Variants in COG5 observed in about 807,000 individuals in gnomAD.
COG5 encodes the protein component of oligomeric golgi complex 5.
COG5 carries 86 observed loss-of-function variants against 110.4 expected under a neutral mutation model. The ratio of observed to expected loss-of-function variants is 0.78; its 90% CI spans 0.65 to 0.93. The LOEUF (loss-of-function observed/expected upper bound fraction) is 0.93. Ranked by LOEUF, COG5 falls within the 40% of genes least tolerant of loss-of-function variation. The pLI, the probability that COG5 is intolerant of heterozygous loss-of-function variation, is 0.00. For synonymous variants in COG5, 360 were observed against 334.6 expected, an observed-to-expected ratio of 1.08 and a Z score of -0.83; for missense variants, 1,077 against 987.0, an observed-to-expected ratio of 1.09 and a Z score of -1.22.
intron 6 of COG5, among the ~76,000 whole-genome samples, chr7:107,482,194 T>G (rs1026048318): frequency 5.3e-5 from 8 of 151,660 alleles, no homozygotes; most frequent in African/African-American, 1.9e-4. Context: ...CAGGTTGGGG[T>G]GCAGTGGTAC....
At chr7:107,311,947 C>T (rs757113230) in intron 11 of COG5, among the ~76,000 whole-genome samples, 10 of 151,850 alleles carry the variant, frequency 6.6e-5, no homozygotes, top group Non-Finnish European at 1.2e-4. Context: ...TTATTCTAGG[C>T]TTGAATGGTT....
At chr7:107,301,694 C>T (rs1401009667) in intron 11 of COG5, among the ~76,000 whole-genome samples, 1 of 152,028 alleles carries the variant, frequency 6.6e-6, no homozygotes, top group Non-Finnish European at 1.5e-5. Context: ...CATGGTGAAA[C>T]TCCATCTCTA....
intron 10 of COG5, among the ~76,000 whole-genome samples, chr7:107,344,073 T>C (rs528034299): frequency 1.4e-4 from 21 of 152,256 alleles, no homozygotes; most frequent in African/African-American, 5.1e-4. Flanking sequence ...CCAGGGGCAT[T>C]AGACCTAAAA....
intron 6 of COG5, among the ~76,000 whole-genome samples, chr7:107,440,817 T>C (rs1262341820): frequency 6.6e-6 from 1 of 152,168 alleles, no homozygotes; most frequent in East Asian, 1.9e-4. Context: ...AAGTGAAGTT[T>C]TGTGCCCCTT....
intron 10 of COG5, among the ~76,000 whole-genome samples, chr7:107,330,422 T>A (rs1183535399): frequency 6.6e-6 from 1 of 152,202 alleles, no homozygotes; most frequent in Admixed American, 6.5e-5. Flanking sequence ...GGCCTTTGCT[T>A]TAGCCATTGA....
At chr7:107,355,439 C>A (rs1434592616) in intron 10 of COG5, among the ~76,000 whole-genome samples, 7 of 152,156 alleles carry the variant, frequency 4.6e-5, no homozygotes, top group African/African-American at 1.7e-4. Flanking sequence ...GATGAAAATG[C>A]AAAAGGCTGA....
intron 12 of COG5, among the ~76,000 whole-genome samples, chr7:107,296,077 T>C (rs1449408604): frequency 2.0e-5 from 3 of 151,926 alleles, no homozygotes; most frequent in Non-Finnish European, 4.4e-5. Flanking sequence ...TTCTTCTTTC[T>C]TTTCCTTCCC....
At chr7:107,536,056 C>G (rs373485306) in intron 5 of COG5, among the ~76,000 whole-genome samples, 1 of 152,068 alleles carries the variant, frequency 6.6e-6, no homozygotes, top group Non-Finnish European at 1.5e-5. Flanking sequence ...TGACAAAAAC[C>G]ACATGATTAT....
At position 107,256,733 on chromosome 7, in the gene COG5, T is replaced by C. The variant is rs1198193243; in HGVS notation, c.1748A>G (p.Lys583Arg). Residue 583 changes from lysine (K) to arginine (R), a missense_variant and splice_region_variant, in exon 16 of 22, where the codon AAG (lysine) becomes AGG (arginine). Lys to Arg is a conservative substitution (Grantham distance 26). Coordinates refer to ENST00000297135, the MANE Select transcript of COG5 (RefSeq NM_006348.5). ...AAEQTIISAL[K>R]AIHALMENAV... ...GAGTCAAAGATTAAATTCTTTTACC[T>C]TTAGAGCTGAAATTATAGTTTGCTC... is the stretch of plus-strand genomic sequence containing the variant. 1.2e-6 allele frequency: 2 copies of C among 1,605,440 alleles called. No individual in the cohort carries two copies. Among genetic ancestry groups the C allele is most frequent in the Admixed American group, 3.3e-5 (2 of 59,760 alleles).
chr7:107,533,458 GT>G (rs1486999671), intron 5 of COG5, among the ~76,000 whole-genome samples: 3 of 151,540 alleles, frequency 2.0e-5, no homozygotes, highest in Non-Finnish European at 4.4e-5. Context: ...AGAATAACCA[GT>G]TTAAAGAACA....
At chr7:107,401,539 G>T (rs927299893) in intron 7 of COG5, among the ~76,000 whole-genome samples, 1 of 152,098 alleles carries the variant, frequency 6.6e-6, no homozygotes, top group East Asian at 1.9e-4. Flanking sequence ...TGAAACAACA[G>T]CAAATTATCA....
chr7:107,298,517 T>C (rs1202275798), intron 11 of COG5, among the ~76,000 whole-genome samples, 171 bp from the exon 12 acceptor site: 1 of 152,148 alleles, frequency 6.6e-6, no homozygotes, highest in African/African-American at 2.4e-5. Flanking sequence ...ACTCTGACTA[T>C]TCACTGCATT....
At chr7:107,492,168 A>AGTGTGTGTGTGTGTGT (rs61526384) in intron 6 of COG5, among the ~76,000 whole-genome samples, 3,053 of 141,666 alleles carry the variant, frequency 0.022, 51 homozygotes, top group Middle Eastern at 0.045. Flanking sequence ...AACAATGGGT[A>AGTGTGTGTGTGTGTGT]GTGTGTGTGT....
chr7:107,415,974 ACACG>A, intron 6 of COG5, among the ~76,000 whole-genome samples: 1 of 122,202 alleles, frequency 8.2e-6, no homozygotes, highest in African/African-American at 2.8e-5. Flanking sequence ...ACACACACAT[ACACG>A]TATGTATATA....
In COG5 at chr7:107,474,466, A is replaced by G; in HGVS notation, c.538+52771T>C. The G allele has an allele frequency of 6.2e-7, 1 of 1,613,360 alleles. No homozygotes were observed. Among genetic ancestry groups the G allele is most frequent in the Non-Finnish European group, 8.5e-7 (1 of 1,179,546 alleles). On this transcript the variant is annotated intron_variant, in intron 6 of 21. Transcript: ENST00000297135. The surrounding 1 kb of genome is among the most constrained non-coding windows in gnomAD (Gnocchi z 5.7). ...CTCAACAGCAATCAACGTTTTTGCTATCACTTTGGACAGATATGACATCTC... is the reference window on the plus strand; with the variant it reads ...CTCAACAGCAATCAACGTTTTTGCTGTCACTTTGGACAGATATGACATCTC...
chr7:107,374,889 C>A (rs1469942289), intron 7 of COG5, among the ~76,000 whole-genome samples: 1 of 151,876 alleles, frequency 6.6e-6, no homozygotes, highest in Non-Finnish European at 1.5e-5. Context: ...AAATAAAATT[C>A]TTTAAGTAAC....
intron 7 of COG5, among the ~76,000 whole-genome samples, chr7:107,406,362 C>T (rs1189706482): frequency 1.3e-5 from 2 of 152,044 alleles, no homozygotes; most frequent in Non-Finnish European, 2.9e-5. Flanking sequence ...AGAAATAGGC[C>T]ACTGGTTAAA....
Position 107,412,581 on chromosome 7 carries a change from T to C in COG5, c.590A>G (p.Asp197Gly), listed in dbSNP as rs759620888. ...TCGGGCTCTTGCAATAAAAAGTAGA[T>C]CATTTTCTATCACTTCTATTCCAGA... is the stretch of plus-strand genomic sequence containing the variant. Reference protein sequence around the residue: ...DLSGIEVIENDLLFIARARLE... With the variant: ...DLSGIEVIENGLLFIARARLE... The change falls in exon 7 of 22, where the codon GAT (aspartate) becomes GGT (glycine). Residue 197 changes from aspartate to glycine, a missense_variant. Asp to Gly is a moderately conservative substitution (Grantham distance 94). Transcript: ENST00000297135. 6.3e-7 allele frequency: 1 copy of C among 1,594,366 alleles called. No homozygotes were observed. Among genetic ancestry groups the C allele is most frequent in the South Asian group, 1.1e-5 (1 of 90,692 alleles).
intron 6 of COG5, among the ~76,000 whole-genome samples, chr7:107,492,168 A>AGTGTGTGTGTGTGTGTGTGTGT (rs61526384): frequency 1.5e-3 from 212 of 141,730 alleles, no homozygotes; most frequent in Middle Eastern, 7.0e-3. Context: ...AACAATGGGT[A>AGTGTGTGTGTGTGTGTGTGTGT]GTGTGTGTGT....
Sources: allele counts gnomAD v4.1 joint callset (sites outside exome capture counted in the v4.1 genomes callset), GRCh38; gene constraint gnomAD v4.1.1; non-coding constraint Gnocchi (gnomAD v3.1); transcripts MANE v1.5; gene names NCBI Gene and HGNC (gene_info 2026-07-23, HGNC 2026-07-21).